PEX6: variants seen among roughly 807,000 people sequenced by gnomAD.
PEX6 encodes peroxisomal biogenesis factor 6.
PEX6 carries 55 observed loss-of-function variants against 85.6 expected under a neutral mutation model. That is an observed-to-expected ratio of 0.64 (90% CI 0.52 to 0.80). The LOEUF (loss-of-function observed/expected upper bound fraction) is 0.80. Among genes scored for constraint, PEX6 ranks in the 30% least tolerant of loss-of-function variants. The probability of loss-of-function intolerance (pLI) is 0.00; values close to 1 mark genes in which losing one functional copy is unlikely to be tolerated. For synonymous variants in PEX6, 519 were observed against 549.1 expected, an observed-to-expected ratio of 0.95 and a Z score of 0.77; for missense variants, 1,099 against 1,260.3, an observed-to-expected ratio of 0.87 and a Z score of 1.94.
chr6:42,969,810 G>A lies in PEX6; in HGVS notation c.1234-9C>T. ...CTCAGGGTAGAACCCACCTGTGAAA[G>A]GTAATAAAAAGCTTTCGTTTCTAAA... On this transcript the variant is annotated splice_polypyrimidine_tract_variant and intron_variant, in intron 4 of 16. Coordinates refer to ENST00000304611, the MANE Select transcript of PEX6 (RefSeq NM_000287.4). 1 of 1,612,992 alleles carries A rather than the reference G, an allele frequency of 6.2e-7. No homozygotes were observed.
intron 1 of PEX6, among the ~76,000 whole-genome samples, chr6:42,975,643 C>A (rs184085460): frequency 6.6e-6 from 1 of 151,958 alleles, no homozygotes; most frequent in African/African-American, 2.4e-5. Context: ...CTATTGAGCA[C>A]TTGAAATGTG....
At chr6:42,972,769 CAAAAAAAA>C (rs3997649) in intron 3 of PEX6, among the ~76,000 whole-genome samples, 1 of 57,228 alleles carries the variant, frequency 1.7e-5, no homozygotes, top group Non-Finnish European at 3.9e-5. Context: ...GACTCTGTCT[CAAAAAAAA>C]AAAAAAAAAA....
At chr6:42,974,465 T>G (rs1013891607) in intron 2 of PEX6, among the ~76,000 whole-genome samples, 2 of 138,722 alleles carry the variant, frequency 1.4e-5, no homozygotes, top group African/African-American at 5.6e-5. Context: ...TTTTTTTTTT[T>G]TTTTTTTTTT....
At chr6:42,968,183 C>T (rs911999165) in intron 7 of PEX6, 107 bp downstream of exon 7, 2 of 903,422 alleles carry the variant, frequency 2.2e-6, no homozygotes, top group Non-Finnish European at 3.7e-6. Flanking sequence ...CTGATCAAGG[C>T]AGGTGATCCA....
chr6:42,974,147 C>CT, intron 2 of PEX6, 61 bp from the exon 3 acceptor site: 8 of 1,237,684 alleles, frequency 6.5e-6, no homozygotes, highest in Non-Finnish European at 9.5e-6. Flanking sequence ...GTGTTCATTA[C>CT]CACATGTCCA....
At position 42,965,606 on chromosome 6, in the gene PEX6, T is replaced by C. The variant is rs146266265; in HGVS notation, c.2471+75A>G. The C allele has an allele frequency of 9.5e-4, 1,023 of 1,072,980 alleles. 4 individuals are homozygous for C. Among genetic ancestry groups the C allele is most frequent in the Non-Finnish European group, 4.3e-4 (297 of 686,284 alleles). The allele number at this position is 1,072,980 out of a possible 1,614,324, so 66.5% of individuals were successfully genotyped here. A position where few individuals can be genotyped will look rare whatever the true frequency, so the allele number is the denominator to read the frequency against. On this transcript the variant is annotated intron_variant, in intron 13 of 16. Transcript: ENST00000304611. The surrounding 1 kb of genome is among the most constrained non-coding windows in gnomAD (Gnocchi z 5.0). ...AGCAGGAACTTCTATCTCTGGACTC[T>C]GAAGACTGCTGTGAGCTTTCTCATA...
chr6:42,970,488 T>C (rs1044291111), intron 3 of PEX6, among the ~76,000 whole-genome samples: 26 of 152,242 alleles, frequency 1.7e-4, no homozygotes, highest in African/African-American at 5.8e-4. Flanking sequence ...ATTGGAATTA[T>C]CTGTGTAACT....
At position 42,967,310 on chromosome 6, in the gene PEX6, C is replaced by A; in HGVS notation, c.1884+58G>T. 2.6e-6 allele frequency: 4 copies of A among 1,529,084 alleles called. No homozygotes were observed. The South Asian group carries it at 3.5e-5, about 13-fold the overall frequency. The allele number at this position is 1,529,084 out of a possible 1,614,324, so 94.7% of individuals were successfully genotyped here. On this transcript the variant is annotated intron_variant, in intron 8 of 16. Coordinates refer to ENST00000304611, the MANE Select transcript of PEX6 (RefSeq NM_000287.4). Reference sequence around the variant, plus strand: ...ACTCACAAGGCAACAGGACTGAGTTCTTGTAACAAAAGCCAGGGACCTCCT... The same window carrying A: ...ACTCACAAGGCAACAGGACTGAGTTATTGTAACAAAAGCCAGGGACCTCCT...
rs753606386 is a variant in PEX6 at position 42,967,382 on chromosome 6, C to A, written c.1870G>T (p.Ala624Ser). The change falls in exon 8 of 17, where the codon GCA (alanine) becomes TCA (serine). Residue 624 changes from alanine to serine, a missense_variant. By Grantham distance (99) the Ala-to-Ser change is moderately conservative. This residue lies in a region of PEX6 where 514 missense variants were observed against 627.0 expected (regional missense o/e 0.82). Transcript: ENST00000304611. ...TTGATACTCACTGCACACCGCCGTG[C>A]TAGCTGTGCCAAGTTCACCTCCTGG... is the stretch of plus-strand genomic sequence containing the variant. ...LGQEVNLAQL[A>S]RRCAGFVVGD... 13 of 1,613,080 alleles carry A rather than the reference C, an allele frequency of 8.1e-6. No homozygotes were observed. The South Asian group carries it at 1.3e-4, about 16-fold the overall frequency.
Position 42,974,072 on chromosome 6 carries a change from C to T in PEX6, c.1061G>A (p.Gly354Glu). 1 of 1,613,852 alleles carries T rather than the reference C, an allele frequency of 6.2e-7. No individual in the cohort carries two copies. The highest frequency in any genetic ancestry group is 8.5e-7 in the Non-Finnish European group (1 of 1,179,814). The change falls in exon 3 of 17, where the codon GGG becomes GAG. Residue 354 changes from glycine (G) to glutamate (E), a missense_variant. Coordinates refer to ENST00000304611, the MANE Select transcript of PEX6 (RefSeq NM_000287.4). ...HFQIPRVVQE[G>E]DVLCVPTIGQ... is the part of the protein sequence containing the mutation. ...AATTGTTGGCACACATAGAACATCC[C>T]CTTCCTGGACTACCCTGCAACACAG...
chr6:42,970,001 G>A lies in PEX6; in HGVS notation c.1131-14C>T, dbSNP rs1408901463. On this transcript the variant is annotated splice_polypyrimidine_tract_variant and intron_variant, in intron 3 of 16. Transcript: ENST00000304611. ...ATTTCCCGCCACCTGCAGGAAAAAG[G>A]CCCAATGAACCCCAGATCCAGAGTC... 6.2e-7 allele frequency: 1 copy of A among 1,607,268 alleles called. No homozygotes were observed. The highest frequency in any genetic ancestry group is 1.3e-5 in the African/African-American group (1 of 74,874).
chr6:42,974,091 A>C lies in PEX6; in HGVS notation c.1047-5T>G. 1 of 1,611,740 alleles carries C rather than the reference A, an allele frequency of 6.2e-7. No individual in the cohort carries two copies. The highest frequency in any genetic ancestry group is 1.3e-5 in the African/African-American group (1 of 74,996). Reference sequence around the variant, plus strand: ...ACATCCCCTTCCTGGACTACCCTGCAACACAGCAGTGGCCCTGGTCAGGTC... The same window carrying C: ...ACATCCCCTTCCTGGACTACCCTGCCACACAGCAGTGGCCCTGGTCAGGTC... On this transcript the variant is annotated splice_polypyrimidine_tract_variant and splice_region_variant and intron_variant, in intron 2 of 16. Transcript: ENST00000304611.
intron 1 of PEX6, among the ~76,000 whole-genome samples, chr6:42,975,842 T>C (rs1032193681): frequency 2.6e-5 from 4 of 151,760 alleles, no homozygotes; most frequent in Non-Finnish European, 5.9e-5. Context: ...GCCTCCTGAG[T>C]AGCTGGGACT....
chr6:42,966,697 G>A (rs746371341), intron 9 of PEX6, 40 bp from the exon 10 acceptor site: 33 of 1,613,912 alleles, frequency 2.0e-5, no homozygotes, highest in East Asian at 6.7e-5. Context: ...CACCATCAGC[G>A]TCCCATTCCC....
rs201061728 is a variant in PEX6, at chr6:42,968,341, C to T, written c.1637G>A (p.Arg546His). 119 of 1,614,052 alleles carry T rather than the reference C, an allele frequency of 7.4e-5. No homozygotes were observed. Among genetic ancestry groups the T allele is most frequent in the Non-Finnish European group, 9.2e-5 (108 of 1,180,038 alleles). The change falls in exon 7 of 17, where the codon CGT (arginine) becomes CAT (histidine). Residue 546 changes from arginine (R) to histidine (H), a missense_variant. Coordinates refer to ENST00000304611, the MANE Select transcript of PEX6 (RefSeq NM_000287.4). ...RDRDGLGEDA[R>H]VMAVLRHLLL... The stretch of plus-strand genomic sequence containing the variant: ...GAGGTGACGCAGCACAGCCATCACA[C>T]GGGCATCCTCACCCAGCCCATCACG...
intron 8 of PEX6, 123 bp from the exon 9 acceptor site, chr6:42,966,981 T>C: frequency 2.5e-6 from 2 of 789,202 alleles, no homozygotes; most frequent in East Asian, 2.5e-5. Context: ...TTTTTTTTTT[T>C]TTTTTTTTGA....
chr6:42,964,647 G>T lies in PEX6; in HGVS notation c.2806+143C>A. ...CTTAAACATTTTTTTTAGAGTTGGG[G>T]TCTCTCTGTGTTGCCCAGGCTGGCC... On this transcript the variant is annotated intron_variant, in intron 16 of 16. Transcript: ENST00000304611. This position sits in a 1 kb window ranked among gnomAD's most constrained non-coding sequence, Gnocchi z 4.6. The T allele has an allele frequency of 7.8e-7, 1 of 1,277,882 alleles. No individual in the cohort carries two copies. Among genetic ancestry groups the T allele is most frequent in the African/African-American group, 1.5e-5 (1 of 67,918 alleles). 79.2% of individuals were successfully genotyped at this position (1,277,882 alleles called of 1,614,324 possible).
Position 42,964,104 on chromosome 6 carries a change from G to T in PEX6, c.*231C>A. 1 of 598,970 alleles carries T rather than the reference G, an allele frequency of 1.7e-6. No homozygotes were observed. The highest frequency in any genetic ancestry group is 3.0e-6 in the Non-Finnish European group (1 of 337,570). The allele number at this position is 598,970 out of a possible 1,614,324, so 37.1% of individuals were successfully genotyped here. On this transcript the variant is annotated 3_prime_UTR_variant, in exon 17 of 17. Transcript: ENST00000304611. This position sits in a 1 kb window ranked among gnomAD's most constrained non-coding sequence, Gnocchi z 4.6. ...GCCCTGGCCCTCTTCCTGAGTAGAT[G>T]GGCCTTTCTCTTAGAGCCGGCCTGG... is the stretch of plus-strand genomic sequence containing the variant.
chr6:42,968,741 T>C (rs966945346), intron 6 of PEX6, 133 bp downstream of exon 6: 5 of 811,610 alleles, frequency 6.2e-6, no homozygotes, highest in Non-Finnish European at 1.1e-5. Context: ...CATGGGAATA[T>C]GCCTGACCCA....
Sources: allele counts gnomAD v4.1 joint callset (sites outside exome capture counted in the v4.1 genomes callset), GRCh38; gene constraint gnomAD v4.1.1; regional missense constraint gnomAD v4.1.1; non-coding constraint Gnocchi (gnomAD v3.1); transcripts MANE v1.5; gene names NCBI Gene and HGNC (gene_info 2026-07-23, HGNC 2026-07-21).